SMAD3: variants seen among roughly 807,000 people sequenced by gnomAD.
SMAD3 encodes SMAD family member 3.
Under a neutral mutation model 51.8 loss-of-function variants are expected in SMAD3, and 12 were observed. That is an observed-to-expected ratio of 0.23 (90% confidence interval 0.15 to 0.38). The LOEUF is 0.38. Among genes scored for constraint, SMAD3 ranks in the 10% least tolerant of loss-of-function variants. The probability of loss-of-function intolerance (pLI) is 1.00; values close to 1 mark genes in which losing one functional copy is unlikely to be tolerated. For missense variants in SMAD3, 294 were observed against 565.6 expected (o/e 0.52, Z 4.87); for synonymous variants, 238 against 227.7 (o/e 1.05, Z -0.41).
chr15:67,087,536 T>G lies in SMAD3; in HGVS notation c.206+21176T>G, dbSNP rs189677680. Among the ~76,000 whole-genome samples, 88 of 152,344 alleles carry G rather than the reference T, an allele frequency of 5.8e-4. 1 individual carries two copies. Among genetic ancestry groups the G allele is most frequent in the Admixed American group, 3.7e-3 (57 of 15,306 alleles). On this transcript the variant is annotated intron_variant, in intron 1 of 8. Coordinates refer to ENST00000327367, the MANE Select transcript of SMAD3 (RefSeq NM_005902.4). ...TCAGGTATGGATGGGAGTGATTATC[T>G]GTGCATCAGAAAACTCAAGATTGTC... is the stretch of plus-strand genomic sequence containing the variant.
intron 1 of SMAD3, among the ~76,000 whole-genome samples, chr15:67,118,998 T>G (rs578118821): frequency 4.6e-5 from 7 of 152,280 alleles, no homozygotes; most frequent in African/African-American, 1.7e-4. Flanking sequence ...AGGAGCTGGA[T>G]AGATGAGCGT....
intron 1 of SMAD3, among the ~76,000 whole-genome samples, chr15:67,128,343 G>C (rs773160254): frequency 3.5e-4 from 53 of 152,266 alleles, no homozygotes; most frequent in Middle Eastern, 3.4e-3. Context: ...AGAACAGCTA[G>C]GTTCAGATCC....
intron 1 of SMAD3, chr15:67,078,042 G>A (rs1387776115): frequency 3.9e-5 from 6 of 152,244 alleles, no homozygotes; most frequent in Admixed American, 3.3e-4. Context: ...AGTTATCCAG[G>A]TCAGAGTCAT....
intron 1 of SMAD3, among the ~76,000 whole-genome samples, chr15:67,123,646 A>ACATAT (rs1961319669): frequency 1.3e-5 from 2 of 152,254 alleles, no homozygotes; most frequent in African/African-American, 4.8e-5. Context: ...AGAATCCAGT[A>ACATAT]CATAGGAGGC....
rs1963418186 is a variant in SMAD3, at chr15:67,193,487, AC to A, written c.*2952del. 1 of 233,774 alleles carries A rather than the reference AC, an allele frequency of 4.3e-6. No individual in the cohort carries two copies. The highest frequency in any genetic ancestry group is 5.6e-5 in the Admixed American group (1 of 17,794). The allele number at this position is 233,774 out of a possible 1,614,324, so 14.5% of individuals were successfully genotyped here. ...AGTAACTTAGATGCTTCCAGCACAT[AC>A]GTAGGTAGCTACCCCAGCCGGTTTG... On this transcript the variant is annotated 3_prime_UTR_variant, in exon 9 of 9. Coordinates refer to ENST00000327367, the MANE Select transcript of SMAD3 (RefSeq NM_005902.4).
At chr15:67,182,964 C>G (rs774508815) in intron 6 of SMAD3, among the ~76,000 whole-genome samples, 1 of 119,014 alleles carries the variant, frequency 8.4e-6, no homozygotes, top group Non-Finnish European at 1.6e-5. Flanking sequence ...ACCACTGCAA[C>G]TGGCTTTTTT....
Position 67,157,059 on chromosome 15 carries a change from A to G in SMAD3, c.207-7836A>G, listed in dbSNP as rs185525405. Among the ~76,000 whole-genome samples, 15 of 152,332 alleles carry G rather than the reference A, an allele frequency of 9.8e-5. No individual in the cohort carries two copies. In the East Asian group the frequency reaches 1.7e-3, roughly 18 times the overall value. ...CTCTGTCACAGTCATCAAGTGGCCA[A>G]CACAGTACCTGGCACATAGCAGCAG... On this transcript the variant is annotated intron_variant, in intron 1 of 8. Coordinates refer to ENST00000327367, the MANE Select transcript of SMAD3 (RefSeq NM_005902.4).
At position 67,192,002 on chromosome 15, in the gene SMAD3, C is replaced by T. The variant is rs1963379839; in HGVS notation, c.*1466C>T. 3 of 230,724 alleles carry T rather than the reference C, an allele frequency of 1.3e-5. No homozygotes were observed. The highest frequency in any genetic ancestry group is 2.6e-5 in the Non-Finnish European group (3 of 116,282). 14.3% of individuals were successfully genotyped at this position (230,724 alleles called of 1,614,324 possible). A position where few individuals can be genotyped will look rare whatever the true frequency, so the allele number is the denominator to read the frequency against. ...TGCAGAACACAGTAGACAGAACTGC[C>T]ACCTTCAATTGGTACTTTATTCTTT... On this transcript the variant is annotated 3_prime_UTR_variant, in exon 9 of 9. Coordinates refer to ENST00000327367, the MANE Select transcript of SMAD3 (RefSeq NM_005902.4).
intron 1 of SMAD3, among the ~76,000 whole-genome samples, chr15:67,134,275 A>G (rs1028281385): frequency 1.2e-4 from 19 of 152,124 alleles, no homozygotes; most frequent in Admixed American, 1.2e-3. Flanking sequence ...CCTGGGGTTA[A>G]TGAGTGGTGA....
chr15:67,091,684 TA>T (rs1024726892), intron 1 of SMAD3, among the ~76,000 whole-genome samples: 1 of 152,208 alleles, frequency 6.6e-6, no homozygotes, highest in Non-Finnish European at 1.5e-5. Flanking sequence ...GACACTCTTC[TA>T]AAGTTTTTTG....
At chr15:67,077,241 G>A (rs891410568) in intron 1 of SMAD3, among the ~76,000 whole-genome samples, 14 of 151,770 alleles carry the variant, frequency 9.2e-5, no homozygotes, top group Non-Finnish European at 1.6e-4. Context: ...ATGTATGTAC[G>A]TATGTATGTA....
chr15:67,124,982 G>A (rs890742591), intron 1 of SMAD3, among the ~76,000 whole-genome samples: 13 of 152,228 alleles, frequency 8.5e-5, no homozygotes, highest in Admixed American at 4.6e-4. Flanking sequence ...ATTGACAAGC[G>A]TAACCACTGT....
At chr15:67,133,700 T>G (rs1361587246) in intron 1 of SMAD3, among the ~76,000 whole-genome samples, 1 of 152,200 alleles carries the variant, frequency 6.6e-6, no homozygotes, top group African/African-American at 2.4e-5. Context: ...GCCTTGGTTT[T>G]CACTCAAGGC....
intron 1 of SMAD3, among the ~76,000 whole-genome samples, chr15:67,148,481 A>G (rs889914581): frequency 6.6e-5 from 10 of 152,228 alleles, no homozygotes; most frequent in Non-Finnish European, 1.3e-4. Context: ...CTACAACCTT[A>G]GCCACAGATG....
intron 1 of SMAD3, among the ~76,000 whole-genome samples, chr15:67,150,795 C>G (rs1423835306): frequency 5.4e-5 from 4 of 74,144 alleles, no homozygotes; most frequent in Admixed American, 4.8e-4. Flanking sequence ...TTTCCATGTC[C>G]TGCTTTTTTT....
At chr15:67,083,456 C>G (rs943322358) in intron 1 of SMAD3, among the ~76,000 whole-genome samples, 1 of 152,206 alleles carries the variant, frequency 6.6e-6, no homozygotes, top group Non-Finnish European at 1.5e-5. Flanking sequence ...CACAAAAAGG[C>G]TTTGATCCAG....
intron 1 of SMAD3, chr15:67,137,971 G>A: frequency 2.3e-6 from 3 of 1,309,738 alleles, no homozygotes; most frequent in Non-Finnish European, 3.2e-6. Context: ...GGGCTGTATT[G>A]TCCTTATCAT....
At chr15:67,184,654 G>C in intron 6 of SMAD3, 73 bp from the exon 7 acceptor site, 10 of 1,581,082 alleles carry the variant, frequency 6.3e-6, no homozygotes, top group Non-Finnish European at 8.7e-6. Context: ...CCTCCTTTGC[G>C]AGCCTCAGGT....
chr15:67,117,224 G>C (rs1177196821), intron 1 of SMAD3, among the ~76,000 whole-genome samples: 1 of 152,164 alleles, frequency 6.6e-6, no homozygotes, highest in African/African-American at 2.4e-5. Context: ...GGCTGAAAAT[G>C]GTAATTAGGA....
Sources: allele counts gnomAD v4.1 joint callset (sites outside exome capture counted in the v4.1 genomes callset), GRCh38; gene constraint gnomAD v4.1.1; transcripts MANE v1.5; gene names NCBI Gene and HGNC (gene_info 2026-07-23, HGNC 2026-07-21).